Variants in MDGA2 observed in about 807,000 individuals in gnomAD.
MDGA2 encodes MAM domain-containing glycosylphosphatidylinositol anchor protein 2.
In MDGA2, 40 loss-of-function variants were observed where a neutral mutation model predicts 117.8. That is an observed-to-expected ratio of 0.34 (90% CI 0.26 to 0.44). MDGA2 has a LOEUF of 0.44. Ranked by LOEUF, MDGA2 falls within the 20% of genes least tolerant of loss-of-function variation. The pLI, the probability that MDGA2 is intolerant of heterozygous loss-of-function variation, is 1.00. For missense variants in MDGA2, 1,123 were observed against 1,250.6 expected, an observed-to-expected ratio of 0.90 and a Z score of 1.54; for synonymous variants, 452 against 439.0, an observed-to-expected ratio of 1.03 and a Z score of -0.37.
At chr14:47,036,295 A>T (rs1410992531) in intron 7 of MDGA2, among the ~76,000 whole-genome samples, 3 of 147,230 alleles carry the variant, frequency 2.0e-5, no homozygotes, top group Non-Finnish European at 4.5e-5. Context: ...AAAAAAAAAG[A>T]ATTATAATTT....
chr14:47,551,260 C>T (rs1895575581), intron 1 of MDGA2, among the ~76,000 whole-genome samples: 2 of 152,082 alleles, frequency 1.3e-5, no homozygotes, highest in South Asian at 4.2e-4. Context: ...TTTCCTTTAG[C>T]CTTTTATCAC....
intron 1 of MDGA2, among the ~76,000 whole-genome samples, chr14:47,382,695 C>G (rs74767454): frequency 0.11 from 16,429 of 152,242 alleles, 1,142 homozygotes; most frequent in Non-Finnish European, 0.17. Flanking sequence ...ATTAAAAAGT[C>G]AGGAAACAAC....
chr14:47,485,103 C>G (rs1362144288), intron 1 of MDGA2, among the ~76,000 whole-genome samples: 1 of 151,956 alleles, frequency 6.6e-6, no homozygotes, highest in Non-Finnish European at 1.5e-5. Context: ...TTGGAGGGCT[C>G]AGAAGACAGG....
intron 6 of MDGA2, among the ~76,000 whole-genome samples, chr14:47,082,301 C>G (rs181677419): frequency 2.7e-4 from 39 of 145,498 alleles, no homozygotes; most frequent in Admixed American, 1.6e-3. Flanking sequence ...GTTCAGGCAA[C>G]CTGAACTTGA....
At chr14:47,448,552 C>T (rs896125524) in intron 1 of MDGA2, among the ~76,000 whole-genome samples, 8 of 152,120 alleles carry the variant, frequency 5.3e-5, no homozygotes, top group African/African-American at 1.9e-4. Flanking sequence ...TGGAGAACTT[C>T]CAGACAGGTG....
chr14:47,138,743 G>A (rs1882575813), intron 4 of MDGA2, among the ~76,000 whole-genome samples: 1 of 151,988 alleles, frequency 6.6e-6, no homozygotes, highest in Non-Finnish European at 1.5e-5. Context: ...ACTAAAGTCT[G>A]TCAATTTAGA....
At chr14:47,172,851 G>C (rs550641872) in intron 3 of MDGA2, among the ~76,000 whole-genome samples, 1 of 152,134 alleles carries the variant, frequency 6.6e-6, no homozygotes, top group Non-Finnish European at 1.5e-5. Flanking sequence ...AAACTACTCC[G>C]AGCTACAGGA....
At chr14:46,924,112 G>T (rs935415702) in intron 9 of MDGA2, among the ~76,000 whole-genome samples, 4 of 151,772 alleles carry the variant, frequency 2.6e-5, no homozygotes, top group African/African-American at 7.3e-5. Flanking sequence ...TAACTGAACT[G>T]GGAGGTAAAT....
intron 8 of MDGA2, among the ~76,000 whole-genome samples, chr14:46,998,331 G>A (rs1172047564): frequency 1.3e-5 from 2 of 152,044 alleles, no homozygotes; most frequent in South Asian, 4.1e-4. Flanking sequence ...TGAAGAGTGA[G>A]GAAACCAAGT....
intron 1 of MDGA2, among the ~76,000 whole-genome samples, chr14:47,522,199 T>C (rs961677702): frequency 6.6e-6 from 1 of 152,160 alleles, no homozygotes; most frequent in Non-Finnish European, 1.5e-5. Flanking sequence ...GGTATGCCAA[T>C]GATTTTTCTC....
intron 1 of MDGA2, among the ~76,000 whole-genome samples, chr14:47,367,861 T>C (rs530771077): frequency 1.4e-4 from 21 of 152,346 alleles, no homozygotes; most frequent in African/African-American, 5.1e-4. Context: ...CGATGTTCTT[T>C]GTATCTATCT....
intron 8 of MDGA2, among the ~76,000 whole-genome samples, chr14:47,012,186 T>A (rs866413625): frequency 2.4e-4 from 36 of 152,236 alleles, no homozygotes; most frequent in Middle Eastern, 3.4e-3. Flanking sequence ...TTCACTCATA[T>A]GTCTCCTGAA....
chr14:47,614,172 C>A (rs866662462), intron 1 of MDGA2, among the ~76,000 whole-genome samples: 2 of 149,412 alleles, frequency 1.3e-5, no homozygotes, highest in South Asian at 4.2e-4. Context: ...TCACTGCAAC[C>A]TCTGCCTCCT....
intron 1 of MDGA2, among the ~76,000 whole-genome samples, chr14:47,483,110 AT>A (rs1380250458): frequency 6.6e-6 from 1 of 152,018 alleles, no homozygotes; most frequent in Non-Finnish European, 1.5e-5. Context: ...TTTCATTTAT[AT>A]TTTTTTAGAT....
chr14:47,336,108 T>A (rs1440299095), intron 1 of MDGA2, among the ~76,000 whole-genome samples: 1 of 151,906 alleles, frequency 6.6e-6, no homozygotes, highest in African/African-American at 2.4e-5. Context: ...GAGCTGCCCC[T>A]AACTCATACA....
intron 1 of MDGA2, among the ~76,000 whole-genome samples, chr14:47,669,253 AC>A (rs1898031852): frequency 1.3e-5 from 2 of 152,324 alleles, no homozygotes; most frequent in African/African-American, 4.8e-5. Flanking sequence ...AAGAAGCATA[AC>A]CAGAGATAAT....
chr14:47,531,984 C>T (rs1895110478), intron 1 of MDGA2, among the ~76,000 whole-genome samples: 2 of 152,124 alleles, frequency 1.3e-5, no homozygotes, highest in Admixed American at 1.3e-4. Context: ...AAATTGACCA[C>T]CATAAGGGTT....
intron 3 of MDGA2, among the ~76,000 whole-genome samples, chr14:47,149,334 T>C (rs1883073344): frequency 1.3e-5 from 2 of 151,954 alleles, no homozygotes; most frequent in Admixed American, 1.3e-4. Flanking sequence ...CTCCTTTTCT[T>C]GTGACAACTA....
In MDGA2 at chr14:46,982,734, A is replaced by AAAAAAAAAAAT. The variant is rs1449356596; in HGVS notation, c.1820-25092_1820-25091insATTTTTTTTTT. Among the ~76,000 whole-genome samples, 98 of 130,390 alleles carry AAAAAAAAAAAT rather than the reference A, an allele frequency of 7.5e-4. 2 individuals are homozygous for AAAAAAAAAAAT. The highest frequency in any genetic ancestry group is 1.2e-3 in the Non-Finnish European group (74 of 59,228). 85.5% of individuals were successfully genotyped at this position (130,390 alleles called of 152,430 possible). The stretch of plus-strand genomic sequence containing the variant: ...AAAAAAAAAAAAAAAAAAAAAAAAA[A>AAAAAAAAAAAT]AATCATGTCATCTGCAACCAGGGAC... On this transcript the variant is annotated intron_variant, in intron 8 of 16. Coordinates refer to ENST00000399232, the MANE Select transcript of MDGA2 (RefSeq NM_001113498.3).
Sources: gnomAD v4.1 joint callset for allele counts (sites outside exome capture counted in the v4.1 genomes callset) on GRCh38, gnomAD v4.1.1 for gene constraint, MANE v1.5 for transcripts, NCBI Gene and HGNC (gene_info 2026-07-23, HGNC 2026-07-21) for gene names.